The following DOCK3 variants were observed in gnomAD, a reference collection of about 807,000 sequenced individuals.
DOCK3 encodes dedicator of cytokinesis protein 3.
A neutral mutation model predicts 265.6 loss-of-function variants in DOCK3; 60 were observed. The ratio of observed to expected loss-of-function variants is 0.23; its 90% confidence interval spans 0.18 to 0.28. The LOEUF is 0.28. Ranked by LOEUF, DOCK3 falls within the 10% of genes least tolerant of loss-of-function variation. The pLI, the probability that DOCK3 is intolerant of heterozygous loss-of-function variation, is 1.00. For synonymous variants in DOCK3, 881 were observed against 938.0 expected (o/e 0.94, Z 1.11); for missense variants, 1,981 against 2,594.3 (o/e 0.76, Z 5.14).
rs769429969 is a variant in DOCK3 at position 51,180,207 on chromosome 3, C to CAAA, written c.1037+19522_1037+19524dup. Among the ~76,000 whole-genome samples, 365 of 110,680 alleles carry CAAA rather than the reference C, an allele frequency of 3.3e-3. 6 individuals are homozygous for CAAA. The highest frequency in any genetic ancestry group is 0.01 in the African/African-American group (287 of 28,354). The allele number at this position is 110,680 out of a possible 152,430, so 72.6% of individuals were successfully genotyped here. On this transcript the variant is annotated intron_variant, in intron 12 of 52. Coordinates refer to ENST00000266037, the MANE Select transcript of DOCK3 (RefSeq NM_004947.5). ...TGGGTGACAGCTCGAGACCCTGTCT[C>CAAA]AAAAAAAAAAAAAAAAAAACACACA... is the stretch of plus-strand genomic sequence containing the variant.
At chr3:51,043,769 A>G (rs537200722) in intron 5 of DOCK3, among the ~76,000 whole-genome samples, 9 of 152,276 alleles carry the variant, frequency 5.9e-5, no homozygotes, top group Non-Finnish European at 1.2e-4. Context: ...GGCAAAGGAT[A>G]TGAACAGATA....
chr3:51,182,476 C>G (rs2087356586), intron 12 of DOCK3, among the ~76,000 whole-genome samples: 1 of 152,174 alleles, frequency 6.6e-6, no homozygotes, highest in African/African-American at 2.4e-5. Context: ...ATTCCTTGCT[C>G]TCCAGAGAGG....
chr3:51,058,412 T>TA (rs939542180), intron 5 of DOCK3, among the ~76,000 whole-genome samples: 2 of 152,064 alleles, frequency 1.3e-5, no homozygotes, highest in African/African-American at 4.8e-5. Context: ...AACTCTTGAT[T>TA]AAAAAAAACC....
chr3:50,807,249 CTTTTTTTTT>C (rs59370167), intron 2 of DOCK3, among the ~76,000 whole-genome samples: 2 of 144,484 alleles, frequency 1.4e-5, no homozygotes, highest in Non-Finnish European at 3.0e-5. Context: ...CTGCCACGCT[CTTTTTTTTT>C]TTTTTTTTTT....
At chr3:51,228,367 A>G (rs2090416370) in intron 17 of DOCK3, among the ~76,000 whole-genome samples, 1 of 152,188 alleles carries the variant, frequency 6.6e-6, no homozygotes, top group African/African-American at 2.4e-5. Context: ...CTTGTTTAGT[A>G]CATTCTTAGA....
chr3:50,900,295 G>C (rs1406747094), intron 4 of DOCK3, among the ~76,000 whole-genome samples: 1 of 152,116 alleles, frequency 6.6e-6, no homozygotes, highest in East Asian at 1.9e-4. Flanking sequence ...TATGCTTCAC[G>C]AAGTTCTTGT....
At chr3:51,026,439 T>G (rs949635550) in intron 5 of DOCK3, among the ~76,000 whole-genome samples, 1 of 151,964 alleles carries the variant, frequency 6.6e-6, no homozygotes, top group African/African-American at 2.4e-5. Context: ...TGTAGTTTTT[T>G]TTTTTTTTTT....
At chr3:51,321,773 T>G (rs954097214) in intron 32 of DOCK3, among the ~76,000 whole-genome samples, 1 of 151,706 alleles carries the variant, frequency 6.6e-6, no homozygotes, top group Admixed American at 6.6e-5. Flanking sequence ...AAGACAAGAT[T>G]AGAGAAAAAA....
intron 2 of DOCK3, among the ~76,000 whole-genome samples, chr3:50,814,545 G>A (rs539978508): frequency 3.9e-5 from 6 of 152,082 alleles, no homozygotes; most frequent in Admixed American, 2.0e-4. Flanking sequence ...GGATTTACAG[G>A]CATGAGCCAC....
chr3:50,879,463 AG>A (rs74200161), intron 3 of DOCK3, among the ~76,000 whole-genome samples: 36,741 of 151,688 alleles, frequency 0.24, 5,546 homozygotes, highest in East Asian at 0.38. Flanking sequence ...AACAAAAAAA[AG>A]GAAGGGGTTG....
intron 9 of DOCK3, among the ~76,000 whole-genome samples, chr3:51,130,615 T>C (rs1010369096): frequency 2.6e-5 from 4 of 152,202 alleles, no homozygotes; most frequent in Non-Finnish European, 5.9e-5. Flanking sequence ...GGGGATGTGA[T>C]GGGAATCACC....
intron 9 of DOCK3, among the ~76,000 whole-genome samples, chr3:51,122,699 G>A (rs970438400): frequency 6.6e-6 from 1 of 152,174 alleles, no homozygotes; most frequent in Non-Finnish European, 1.5e-5. Flanking sequence ...GCATTTGCAT[G>A]GGAAAAGGAA....
intron 6 of DOCK3, 125 bp downstream of exon 6, chr3:51,064,721 C>G: frequency 8.0e-7 from 1 of 1,257,772 alleles, no homozygotes; most frequent in Admixed American, 2.7e-5. Context: ...CTTCACTAAG[C>G]TTTCATCATT....
intron 22 of DOCK3, among the ~76,000 whole-genome samples, chr3:51,255,020 A>G (rs1329961544): frequency 6.6e-6 from 1 of 152,144 alleles, no homozygotes; most frequent in Admixed American, 6.5e-5. Flanking sequence ...GTTCCTTTCT[A>G]TGTTTAGTGC....
intron 5 of DOCK3, among the ~76,000 whole-genome samples, chr3:50,970,964 GTGTA>G (rs2077211932): frequency 3.3e-5 from 1 of 30,708 alleles, no homozygotes; most frequent in African/African-American, 7.5e-5. Context: ...GTGTGTGTGT[GTGTA>G]TATATATATA....
chr3:51,312,224 A>G (rs1346707287), intron 29 of DOCK3, 145 bp downstream of exon 29: 24 of 803,246 alleles, frequency 3.0e-5, no homozygotes, highest in Non-Finnish European at 4.5e-5. Context: ...GACCTGGGAT[A>G]CCCCTGTTGG....
intron 5 of DOCK3, among the ~76,000 whole-genome samples, chr3:50,982,309 G>T (rs2077723326): frequency 6.6e-6 from 1 of 152,114 alleles, no homozygotes; most frequent in Non-Finnish European, 1.5e-5. Context: ...TTAATTGTTT[G>T]CTGGTTATTT....
chr3:51,081,065 A>G (rs2082218982), intron 7 of DOCK3, among the ~76,000 whole-genome samples: 1 of 152,214 alleles, frequency 6.6e-6, no homozygotes. Flanking sequence ...TTAATACTCA[A>G]TAATGATTAG....
chr3:51,338,961 G>A lies in DOCK3; in HGVS notation c.3699G>A (p.Lys1233=). The change falls in exon 37 of 53, where the codon AAG becomes AAA. Residue 1233 remains lysine (K), a synonymous_variant. Coordinates refer to ENST00000266037, the MANE Select transcript of DOCK3 (RefSeq NM_004947.5). Reference sequence around the variant, plus strand: ...ATTTTTACAAATCTGAGATTAACAAGGAAGAAATGTATATCCGCTACATCC... The same window carrying A: ...ATTTTTACAAATCTGAGATTAACAAAGAAGAAATGTATATCCGCTACATCC... ...LMNFYKSEIN[K]EEMYIRYIHK... 6.2e-7 allele frequency: 1 copy of A among 1,610,984 alleles called. No individual in the cohort carries two copies. The highest frequency in any genetic ancestry group is 1.3e-5 in the African/African-American group (1 of 75,028).
Sources: allele counts gnomAD v4.1 joint callset (sites outside exome capture counted in the v4.1 genomes callset), GRCh38; gene constraint gnomAD v4.1.1; transcripts MANE v1.5; gene names NCBI Gene and HGNC (gene_info 2026-07-23, HGNC 2026-07-21).